RNF38: variants seen among roughly 807,000 people sequenced by gnomAD.
RNF38 encodes ring finger protein 38, also known as E3 ubiquitin-protein ligase RNF38.
RNF38 carries 15 observed loss-of-function variants against 67.2 expected under a neutral mutation model. The observed-to-expected ratio is 0.22, with a 90% CI of 0.15 to 0.34. The LOEUF (loss-of-function observed/expected upper bound fraction) is 0.34, where lower values mean the gene tolerates loss of function less well. Ranked by LOEUF, RNF38 falls within the 10% of genes least tolerant of loss-of-function variation. The probability of loss-of-function intolerance (pLI) is 1.00; values close to 1 mark genes in which losing one functional copy is unlikely to be tolerated. For missense variants in RNF38, 524 were observed against 639.9 expected, an observed-to-expected ratio of 0.82 and a Z score of 1.95; for synonymous variants, 220 against 218.8, an observed-to-expected ratio of 1.01 and a Z score of -0.05.
At chr9:36,426,698 G>A (rs1045293230) in intron 1 of RNF38, among the ~76,000 whole-genome samples, 3 of 152,042 alleles carry the variant, frequency 2.0e-5, no homozygotes, top group African/African-American at 7.2e-5. Flanking sequence ...CCAAACTGAC[G>A]GCATCGTTTA....
intron 4 of RNF38, among the ~76,000 whole-genome samples, chr9:36,366,956 A>G (rs1461712962): frequency 2.0e-5 from 3 of 152,148 alleles, no homozygotes; most frequent in African/African-American, 7.2e-5. Flanking sequence ...CTTTAAATGA[A>G]TTTTCACTAA....
At chr9:36,400,560 G>A (rs1195368980), upstream of RNF38, 1 of 988,144 alleles carries the variant, frequency 1.0e-6, no homozygotes, top group Non-Finnish European at 1.2e-6. Flanking sequence ...GTACCTGCGA[G>A]GGGAGGCTCC....
chr9:36,440,474 T>A (rs1423104980), intron 1 of RNF38, among the ~76,000 whole-genome samples: 1 of 150,742 alleles, frequency 6.6e-6, no homozygotes, highest in African/African-American at 2.4e-5. Context: ...AAGGTTGCAG[T>A]GAACCAAGAT....
At chr9:36,386,497 A>G (rs1406617959) in intron 2 of RNF38, among the ~76,000 whole-genome samples, 1 of 152,204 alleles carries the variant, frequency 6.6e-6, no homozygotes. Context: ...TAACTTTAGT[A>G]AATTTGTTAG....
chr9:36,445,318 G>C (rs939136291), intron 1 of RNF38, among the ~76,000 whole-genome samples: 3 of 152,202 alleles, frequency 2.0e-5, no homozygotes, highest in African/African-American at 7.2e-5. Flanking sequence ...ATAAAGACAA[G>C]AGTCATACAA....
intron 4 of RNF38, among the ~76,000 whole-genome samples, chr9:36,360,390 C>T (rs1834441807): frequency 6.6e-6 from 1 of 152,106 alleles, no homozygotes; most frequent in South Asian, 2.1e-4. Context: ...ATCTCCTTTC[C>T]TAGGTATACA....
At chr9:36,476,938 C>G (rs1286537863) in intron 1 of RNF38, among the ~76,000 whole-genome samples, 1 of 152,134 alleles carries the variant, frequency 6.6e-6, no homozygotes, top group African/African-American at 2.4e-5. Context: ...ACACTATCTA[C>G]CTGTACACCA....
chr9:36,345,040 A>G, intron 9 of RNF38, 87 bp from the exon 10 acceptor site: 5 of 1,423,612 alleles, frequency 3.5e-6, no homozygotes, highest in Non-Finnish European at 4.8e-6. Context: ...GAGTCCTGCT[A>G]TGTTGCCCAG....
chr9:36,462,733 G>A (rs960063548), intron 1 of RNF38, among the ~76,000 whole-genome samples: 2 of 151,310 alleles, frequency 1.3e-5, no homozygotes, highest in African/African-American at 2.4e-5. Flanking sequence ...GGAGATCAGT[G>A]GCATGATCTC....
chr9:36,344,054 C>A (rs1833039560), intron 10 of RNF38, among the ~76,000 whole-genome samples: 1 of 152,124 alleles, frequency 6.6e-6, no homozygotes, highest in African/African-American at 2.4e-5. Flanking sequence ...TGCTCTGTCA[C>A]CCAGGCTGGA....
chr9:36,389,045 T>C (rs1427935259), intron 2 of RNF38, among the ~76,000 whole-genome samples: 7 of 152,084 alleles, frequency 4.6e-5, no homozygotes, highest in Admixed American at 3.9e-4. Flanking sequence ...CGAACAGTGG[T>C]AGGGCAGTTT....
chr9:36,400,185 C>T lies in RNF38; in HGVS notation c.-77G>A. ...ACTCCCGTTTCAAAAACCAACCTCT[C>T]TCACGCTTCAACCCTGAAAGGAAGA... On this transcript the variant is annotated 5_prime_UTR_variant, in exon 1 of 12. Transcript: ENST00000259605. The T allele has an allele frequency of 1.3e-6, 2 of 1,586,400 alleles. No individual in the cohort carries two copies. Among genetic ancestry groups the T allele is most frequent in the African/African-American group, 2.7e-5 (2 of 73,780 alleles).
chr9:36,340,205 C>T (rs1832738328), intron 11 of RNF38, among the ~76,000 whole-genome samples: 1 of 152,194 alleles, frequency 6.6e-6, no homozygotes, highest in Admixed American at 6.5e-5. Flanking sequence ...TCTCAAACTC[C>T]TGACCTCGGG....
At chr9:36,353,847 T>G (rs1334803380) in intron 6 of RNF38, among the ~76,000 whole-genome samples, 1 of 152,186 alleles carries the variant, frequency 6.6e-6, no homozygotes, top group Non-Finnish European at 1.5e-5. Context: ...CAATCAGCCA[T>G]GTTAACTTTC....
At chr9:36,414,895 A>T (rs979746553) in intron 2 of RNF38, among the ~76,000 whole-genome samples, 1 of 152,176 alleles carries the variant, frequency 6.6e-6, no homozygotes, top group Admixed American at 6.5e-5. Context: ...AATCCCTTCT[A>T]GCTTGCAGGG....
At chr9:36,393,206 T>G (rs1047545788) in intron 1 of RNF38, among the ~76,000 whole-genome samples, 1 of 152,112 alleles carries the variant, frequency 6.6e-6, no homozygotes, top group African/African-American at 2.4e-5. Flanking sequence ...TTCTTCTCCT[T>G]CATTCCTTGT....
At chr9:36,450,871 G>C (rs113461317) in intron 1 of RNF38, among the ~76,000 whole-genome samples, 3,040 of 152,208 alleles carry the variant, frequency 0.02, 36 homozygotes, top group South Asian at 0.036. Context: ...CCGAGATCGT[G>C]CCATTGCACT....
chr9:36,394,697 A>C (rs993045431), intron 1 of RNF38, among the ~76,000 whole-genome samples: 2 of 152,192 alleles, frequency 1.3e-5, no homozygotes, highest in Non-Finnish European at 2.9e-5. Context: ...CAAAACCATA[A>C]TCTGAACTCA....
chr9:36,409,307 AAAAG>A lies in RNF38; in HGVS notation n.312+15302_312+15305del, dbSNP rs752591229. The stretch of plus-strand genomic sequence containing the variant: ...GAAAGAAAAGAAAGAGAGAGAAAGA[AAAAG>A]AAAGAAAGAAAGAAAAAGAAAGAAA... On this transcript the variant is annotated intron_variant and non_coding_transcript_variant, in intron 2 of 3. Coordinates refer to the RNF38 transcript ENST00000488058. Among the ~76,000 whole-genome samples, 145 of 148,122 alleles carry A rather than the reference AAAAG, an allele frequency of 9.8e-4. 1 individual carries two copies. The South Asian group carries it at 0.011, about 12-fold the overall frequency.
Sources: allele counts gnomAD v4.1 joint callset (sites outside exome capture counted in the v4.1 genomes callset), GRCh38; gene constraint gnomAD v4.1.1; transcripts MANE v1.5; gene names NCBI Gene and HGNC (gene_info 2026-07-23, HGNC 2026-07-21).